TYW1: variants seen among roughly 807,000 people sequenced by gnomAD.
The protein encoded by TYW1 is tRNA-yW synthesizing protein 1 homolog, also known as S-adenosyl-L-methionine-dependent tRNA 4-demethylwyosine synthase TYW1.
Under a neutral mutation model 96.2 loss-of-function variants are expected in TYW1, and 46 were observed. That is an observed-to-expected ratio of 0.48 (90% CI 0.38 to 0.61). The LOEUF (loss-of-function observed/expected upper bound fraction) is 0.61, where lower values mean the gene tolerates loss of function less well. Ranked by LOEUF, TYW1 falls within the 20% of genes least tolerant of loss-of-function variation. The pLI is 0.00. For synonymous variants in TYW1, 274 were observed against 323.0 expected, an observed-to-expected ratio of 0.85 and a Z score of 1.63; for missense variants, 684 against 909.6, an observed-to-expected ratio of 0.75 and a Z score of 3.19.
intron 7 of TYW1, among the ~76,000 whole-genome samples, chr7:67,038,177 C>G (rs1241769797): frequency 2.6e-5 from 4 of 152,082 alleles, no homozygotes; most frequent in Non-Finnish European, 4.4e-5. Context: ...GTGGCAGATG[C>G]ATGTAGTCCC....
chr7:67,079,708 C>A (rs183683344), intron 10 of TYW1, among the ~76,000 whole-genome samples: 2 of 152,192 alleles, frequency 1.3e-5, no homozygotes, highest in East Asian at 3.9e-4. Flanking sequence ...AATGATTCTA[C>A]ATTTTTGATA....
chr7:67,235,340 TCCCAATTGG>T, intron 15 of TYW1, among the ~76,000 whole-genome samples: 1 of 152,230 alleles, frequency 6.6e-6, no homozygotes, highest in African/African-American at 2.4e-5. Context: ...TCCATAGTTG[TCCCAATTGG>T]CCCATGTTGA....
At chr7:67,194,310 A>G (rs1290998151) in intron 14 of TYW1, among the ~76,000 whole-genome samples, 2 of 151,492 alleles carry the variant, frequency 1.3e-5, no homozygotes, top group Non-Finnish European at 2.9e-5. Flanking sequence ...TTCAAAGTGC[A>G]TTACAAAATT....
intron 9 of TYW1, among the ~76,000 whole-genome samples, chr7:67,065,808 C>T (rs1331531720): frequency 1.3e-5 from 2 of 151,942 alleles, no homozygotes; most frequent in Non-Finnish European, 2.9e-5. Flanking sequence ...GTCAGGAGTT[C>T]AAGACCAGCC....
Position 67,145,666 on chromosome 7 carries a change from T to G in TYW1, c.1698+28048T>G, listed in dbSNP as rs373463630. ...ATTGGGTATATATTTCCTATGGTCA[T>G]TTTTTTCTGAATGCCTTCCTGCTGC... On this transcript the variant is annotated intron_variant, in intron 13 of 15. Coordinates refer to ENST00000359626, the MANE Select transcript of TYW1 (RefSeq NM_018264.4). Among the ~76,000 whole-genome samples, 61 of 152,276 alleles carry G rather than the reference T, an allele frequency of 4.0e-4. No individual in the cohort carries two copies. The East Asian group carries it at 6.2e-3, about 15-fold the overall frequency.
chr7:67,004,230 A>G (rs1196282188), intron 3 of TYW1, among the ~76,000 whole-genome samples: 2 of 152,064 alleles, frequency 1.3e-5, no homozygotes, highest in African/African-American at 4.8e-5. Context: ...TTCTGCTATA[A>G]TTTGTTGTTT....
chr7:67,161,491 C>T (rs1468568313), intron 13 of TYW1, among the ~76,000 whole-genome samples: 1 of 152,144 alleles, frequency 6.6e-6, no homozygotes, highest in Non-Finnish European at 1.5e-5. Flanking sequence ...GCAGGCTCAT[C>T]TTGAGTAGGT....
intron 13 of TYW1, among the ~76,000 whole-genome samples, chr7:67,137,358 G>A (rs1157290538): frequency 6.6e-6 from 1 of 151,452 alleles, no homozygotes; most frequent in Non-Finnish European, 1.5e-5. Flanking sequence ...GCTCACACCT[G>A]TAATCTCAGC....
At chr7:67,214,054 T>A (rs539820644) in intron 15 of TYW1, among the ~76,000 whole-genome samples, 21 of 152,330 alleles carry the variant, frequency 1.4e-4, no homozygotes, top group Admixed American at 1.4e-3. Flanking sequence ...AAAATCACTC[T>A]CTAGGATTTT....
At chr7:67,099,774 C>T (rs911970009) in intron 12 of TYW1, among the ~76,000 whole-genome samples, 8 of 152,142 alleles carry the variant, frequency 5.3e-5, no homozygotes, top group African/African-American at 1.7e-4. Context: ...AGACTGAGGC[C>T]GGTGGATCAC....
chr7:67,142,522 G>A (rs1342659104), intron 13 of TYW1, among the ~76,000 whole-genome samples: 1 of 151,916 alleles, frequency 6.6e-6, no homozygotes, highest in Non-Finnish European at 1.5e-5. Context: ...TCTGCCTCCC[G>A]GGTTCAAGAA....
chr7:67,213,194 G>A (rs560721899), intron 15 of TYW1, among the ~76,000 whole-genome samples: 4 of 151,512 alleles, frequency 2.6e-5, no homozygotes, highest in South Asian at 2.1e-4. Context: ...AAGAGACAAG[G>A]TCTCACTCTG....
chr7:67,089,268 G>A (rs1796640660), intron 11 of TYW1: 3 of 1,351,614 alleles, frequency 2.2e-6, no homozygotes, highest in African/African-American at 1.5e-5. Flanking sequence ...CAGTGGGGTG[G>A]GGGCAAACCA....
intron 13 of TYW1, among the ~76,000 whole-genome samples, chr7:67,143,601 A>C (rs1798516105): frequency 6.6e-6 from 1 of 152,160 alleles, no homozygotes; most frequent in Non-Finnish European, 1.5e-5. Flanking sequence ...CTTGTGGAGC[A>C]GTTCAGTTCC....
chr7:67,027,218 TG>T (rs1486003777), intron 7 of TYW1, among the ~76,000 whole-genome samples: 2 of 150,822 alleles, frequency 1.3e-5, no homozygotes, highest in African/African-American at 4.9e-5. Flanking sequence ...AAAAAAGATG[TG>T]AAACGTCTGT....
At chr7:67,014,655 A>G in intron 5 of TYW1, 94 bp downstream of exon 5, 1 of 1,379,252 alleles carries the variant, frequency 7.3e-7, no homozygotes, top group Non-Finnish European at 9.8e-7. Context: ...ACACGCACAC[A>G]CACATAAACA....
At chr7:67,143,212 C>T (rs1043868287) in intron 13 of TYW1, among the ~76,000 whole-genome samples, 11 of 151,964 alleles carry the variant, frequency 7.2e-5, no homozygotes, top group Admixed American at 5.9e-4. Flanking sequence ...TGTGCTAGGC[C>T]GGGGCATATA....
intron 13 of TYW1, among the ~76,000 whole-genome samples, chr7:67,140,249 A>G (rs1021162471): frequency 2.0e-5 from 3 of 152,160 alleles, no homozygotes; most frequent in Non-Finnish European, 4.4e-5. Flanking sequence ...TTGGGTGGGG[A>G]CCCAGCCAAA....
At chr7:67,041,368 A>G (rs1221719669) in intron 7 of TYW1, among the ~76,000 whole-genome samples, 3 of 151,902 alleles carry the variant, frequency 2.0e-5, no homozygotes, top group South Asian at 2.1e-4. Context: ...CAGTGGCACA[A>G]TATCATCTCA....
Sources: gnomAD v4.1 joint callset for allele counts (sites outside exome capture counted in the v4.1 genomes callset) on GRCh38, gnomAD v4.1.1 for gene constraint, MANE v1.5 for transcripts, NCBI Gene and HGNC (gene_info 2026-07-23, HGNC 2026-07-21) for gene names.